TENM2: variants seen among roughly 807,000 people sequenced by gnomAD.
TENM2 encodes teneurin-2.
In TENM2, 52 loss-of-function variants were observed where a neutral mutation model predicts 245.2. That is an observed-to-expected ratio of 0.21 (90% CI 0.17 to 0.27). The LOEUF is 0.27. Among genes scored for constraint, TENM2 ranks in the 10% least tolerant of loss-of-function variants. The pLI, the probability that TENM2 is intolerant of heterozygous loss-of-function variation, is 1.00. For synonymous variants in TENM2, 1,363 were observed against 1,438.9 expected (o/e 0.95, Z 1.19); for missense variants, 3,046 against 3,666.8 (o/e 0.83, Z 4.37).
At chr5:167,957,670 T>C (rs962995443) in intron 4 of TENM2, among the ~76,000 whole-genome samples, 5 of 152,254 alleles carry the variant, frequency 3.3e-5, no homozygotes, top group Admixed American at 2.0e-4. Flanking sequence ...TCTGGTACAT[T>C]GTGTCTTTGT....
chr5:167,979,749 G>C (rs1782695619), intron 4 of TENM2, among the ~76,000 whole-genome samples: 1 of 152,122 alleles, frequency 6.6e-6, no homozygotes, highest in East Asian at 1.9e-4. Context: ...ATAAAATGAA[G>C]AGGCTCTCAC....
chr5:168,026,971 A>G (rs1170660461), intron 5 of TENM2, among the ~76,000 whole-genome samples: 1 of 152,216 alleles, frequency 6.6e-6, no homozygotes, highest in African/African-American at 2.4e-5. Flanking sequence ...TACATGAAAT[A>G]AGAATATCAA....
intron 2 of TENM2, among the ~76,000 whole-genome samples, chr5:167,500,651 C>A (rs928497993): frequency 6.6e-6 from 1 of 152,038 alleles, no homozygotes; most frequent in South Asian, 2.1e-4. Context: ...AGTCCCAATT[C>A]CAGGTAGGCA....
chr5:168,045,724 A>G (rs1195847855), intron 5 of TENM2, among the ~76,000 whole-genome samples: 2 of 152,196 alleles, frequency 1.3e-5, no homozygotes, highest in Non-Finnish European at 2.9e-5. Flanking sequence ...CATTTTTTTA[A>G]AAAATTATTT....
chr5:168,228,058 A>C (rs1260714728), exon 25 of TENM2: 1 of 1,613,822 alleles, frequency 6.2e-7, no homozygotes, highest in African/African-American at 1.3e-5. Flanking sequence ...AGAATGGCTT[A>C]AACTCCATTG....
intron 7 of TENM2, among the ~76,000 whole-genome samples, chr5:168,081,650 T>C (rs1792009557): frequency 1.3e-5 from 2 of 152,364 alleles, no homozygotes; most frequent in East Asian, 3.9e-4. Flanking sequence ...TCTCAGCATT[T>C]GCTTGTCTGT....
At chr5:168,114,062 C>T (rs1441071590) in intron 9 of TENM2, among the ~76,000 whole-genome samples, 1 of 152,166 alleles carries the variant, frequency 6.6e-6, no homozygotes, top group East Asian at 1.9e-4. Flanking sequence ...AGACCTATGG[C>T]ATTTCTTTAT....
Position 167,347,195 on chromosome 5 carries a change from C to T in TENM2, c.227-28003C>T, listed in dbSNP as rs528560897. Among the ~76,000 whole-genome samples the T allele has an allele frequency of 5.9e-5, 9 of 151,362 alleles. No individual in the cohort carries two copies. The East Asian group carries it at 7.8e-4, about 13-fold the overall frequency. On this transcript the variant is annotated intron_variant, in intron 1 of 28. Transcript: ENST00000518659. ...ACCGAATCTTTTTTAATGGATAGTA[C>T]GCATGCCTGCTCCTTTGCTCCAGAA...
At chr5:167,698,685 T>TG (rs201540009) in intron 2 of TENM2, among the ~76,000 whole-genome samples, 12,127 of 133,578 alleles carry the variant, frequency 0.091, 846 homozygotes, top group East Asian at 0.38. Context: ...TTTTGTTTTT[T>TG]TTTTTTTTTT....
chr5:167,290,491 AC>A (rs930955237), intron 1 of TENM2, among the ~76,000 whole-genome samples: 3 of 152,128 alleles, frequency 2.0e-5, no homozygotes, highest in African/African-American at 7.2e-5. Context: ...TTGCTCTCCG[AC>A]CCTAATAATA....
chr5:167,338,639 A>T (rs1000500000), intron 1 of TENM2, among the ~76,000 whole-genome samples: 11 of 152,210 alleles, frequency 7.2e-5, no homozygotes, highest in African/African-American at 2.4e-5. Context: ...TCTTGAGGGA[A>T]GGTAACCCCA....
the TENM2 span, among the ~76,000 whole-genome samples, chr5:167,168,957 C>T: frequency 6.6e-6 from 1 of 152,168 alleles, no homozygotes; most frequent in Non-Finnish European, 1.5e-5. Flanking sequence ...GACGAGGTTT[C>T]ACCATGTTAG....
the TENM2 span, among the ~76,000 whole-genome samples, chr5:167,278,251 T>A: frequency 6.6e-6 from 1 of 152,078 alleles, no homozygotes; most frequent in Non-Finnish European, 1.5e-5. Flanking sequence ...CTTCAGTGAG[T>A]TGTGATTGTG....
intron 2 of TENM2, among the ~76,000 whole-genome samples, chr5:167,687,468 T>C (rs978324311): frequency 6.6e-6 from 1 of 152,188 alleles, no homozygotes; most frequent in East Asian, 1.9e-4. Context: ...AACTTAGTTA[T>C]CTGGGAAAAA....
the TENM2 span, among the ~76,000 whole-genome samples, chr5:167,241,169 A>G: frequency 1.3e-5 from 2 of 152,318 alleles, no homozygotes; most frequent in Admixed American, 1.3e-4. Flanking sequence ...CAAAATACCT[A>G]GTTCATTCAT....
chr5:167,446,708 G>A (rs1765230219), intron 2 of TENM2, among the ~76,000 whole-genome samples: 3 of 151,286 alleles, frequency 2.0e-5, no homozygotes, highest in East Asian at 3.9e-4. Context: ...TTGGGGGGGG[G>A]GATTTGTACC....
At chr5:167,191,825 G>A in the TENM2 span, among the ~76,000 whole-genome samples, 1 of 151,994 alleles carries the variant, frequency 6.6e-6, no homozygotes, top group African/African-American at 2.4e-5. Context: ...AAGACATAGT[G>A]AGACTCAAAA....
chr5:167,953,805 G>T (rs1041139473), intron 4 of TENM2, among the ~76,000 whole-genome samples: 2 of 152,208 alleles, frequency 1.3e-5, no homozygotes, highest in African/African-American at 2.4e-5. Context: ...ATAATGGCCA[G>T]TGAATTCTCT....
At chr5:167,425,334 G>A (rs1763747424) in intron 2 of TENM2, among the ~76,000 whole-genome samples, 1 of 152,144 alleles carries the variant, frequency 6.6e-6, no homozygotes, top group Non-Finnish European at 1.5e-5. Context: ...GGACTCCGAG[G>A]TCAACAAGTA....
Sources: gnomAD v4.1 joint callset for allele counts (sites outside exome capture counted in the v4.1 genomes callset) on GRCh38, gnomAD v4.1.1 for gene constraint, MANE v1.5 for transcripts, NCBI Gene and HGNC (gene_info 2026-07-23, HGNC 2026-07-21) for gene names.